The following SLA variants were observed in gnomAD, a reference collection of about 807,000 sequenced individuals.
SLA encodes the protein src-like-adapter.
In SLA, 16 loss-of-function variants were observed where a neutral mutation model predicts 30.3. The ratio of observed to expected loss-of-function variants is 0.53; its 90% confidence interval spans 0.36 to 0.80. The LOEUF (loss-of-function observed/expected upper bound fraction) is 0.80. Among genes scored for constraint, SLA ranks in the 30% least tolerant of loss-of-function variants. SLA has a pLI of 0.01. For synonymous variants in SLA, 143 were observed against 137.8 expected (o/e 1.04, Z -0.26); for missense variants, 310 against 345.2 (o/e 0.90, Z 0.81).
chr8:133,102,416 C>T, intron 1 of SLA, 137 bp downstream of exon 1: 3 of 713,520 alleles, frequency 4.2e-6, no homozygotes, highest in Non-Finnish European at 7.2e-6. Flanking sequence ...CAGAGACCCA[C>T]CCATTTTCTT....
intron 1 of SLA, among the ~76,000 whole-genome samples, chr8:133,093,139 C>CT (rs752795832): frequency 0.066 from 9,608 of 146,278 alleles, 1,074 homozygotes; most frequent in African/African-American, 0.23. Context: ...CTTTTCTTTT[C>CT]TTTTTTTTTT....
chr8:133,060,028 A>G, intron 3 of SLA, 72 bp downstream of exon 3: 1 of 1,466,508 alleles, frequency 6.8e-7, no homozygotes. Context: ...ACCGGCATCC[A>G]CCACCGCCCA....
chr8:133,088,020 C>T (rs870539), intron 1 of SLA, among the ~76,000 whole-genome samples: 37,790 of 152,146 alleles, frequency 0.25, 4,955 homozygotes, highest in African/African-American at 0.28. Flanking sequence ...AAGAAAGTAG[C>T]GGTTTCAATA....
At chr8:133,056,273 A>G (rs79948365) in intron 3 of SLA, among the ~76,000 whole-genome samples, 3,761 of 152,284 alleles carry the variant, frequency 0.025, 157 homozygotes, top group African/African-American at 0.082. Context: ...CAATTATGTA[A>G]AAGTTGAATG....
intron 1 of SLA, among the ~76,000 whole-genome samples, chr8:133,080,074 G>T (rs1056319847): frequency 1.3e-5 from 2 of 152,110 alleles, no homozygotes; most frequent in Admixed American, 6.5e-5. Context: ...GGAACTGAAG[G>T]CATGGGGACA....
rs900216616 is a variant in SLA at position 133,055,550 on chromosome 8, C to T, written c.61+4550G>A. On this transcript the variant is annotated intron_variant, in intron 3 of 8. Transcript: ENST00000338087. ...AAGGGCTGTGTTTGAGACCCGGTAG[C>T]CCACAAAGCTCTTTTCTGCCCAAGC... 2.6e-5 allele frequency among the ~76,000 whole-genome samples: 4 copies of T among 152,060 alleles called. No individual in the cohort carries two copies. In the South Asian group the frequency reaches 6.2e-4, roughly 24 times the overall value.
intron 2 of SLA, among the ~76,000 whole-genome samples, chr8:133,072,465 G>A (rs1472633871): frequency 6.6e-6 from 1 of 152,178 alleles, no homozygotes; most frequent in East Asian, 1.9e-4. Context: ...TAGATAGATG[G>A]ATAGATAGAT....
intron 1 of SLA, among the ~76,000 whole-genome samples, chr8:133,079,130 C>T (rs777552057): frequency 1.5e-4 from 23 of 152,154 alleles, no homozygotes; most frequent in Non-Finnish European, 2.5e-4. Flanking sequence ...GTGATGCCCC[C>T]ACCAAGGACG....
At chr8:133,049,877 G>C in intron 5 of SLA, 25 bp downstream of exon 5, 1 of 1,434,656 alleles carries the variant, frequency 7.0e-7, no homozygotes, top group Non-Finnish European at 9.8e-7. Context: ...ATGCTTAATT[G>C]CTGCCATTTG....
chr8:133,066,929 G>C (rs1564143834), intron 2 of SLA, among the ~76,000 whole-genome samples: 1 of 152,114 alleles, frequency 6.6e-6, no homozygotes, highest in Non-Finnish European at 1.5e-5. Flanking sequence ...CCTCTGTCTG[G>C]GCCAAAGAGT....
intron 2 of SLA, chr8:133,063,543 T>C (rs1179775752): frequency 6.6e-6 from 1 of 151,594 alleles, no homozygotes; most frequent in Non-Finnish European, 1.5e-5. Context: ...ATTGTTGAGA[T>C]TGGAGAAATG....
chr8:133,065,516 C>G (rs902905555), intron 2 of SLA, among the ~76,000 whole-genome samples: 3 of 152,180 alleles, frequency 2.0e-5, no homozygotes, highest in Non-Finnish European at 4.4e-5. Flanking sequence ...GATCCTAGCA[C>G]TTTGGGAAGC....
At chr8:133,087,244 T>C (rs11989874) in intron 1 of SLA, among the ~76,000 whole-genome samples, 5,518 of 152,294 alleles carry the variant, frequency 0.036, 339 homozygotes, top group African/African-American at 0.13. Context: ...GGACTGCTAT[T>C]TTTGCTTTAA....
intron 1 of SLA, among the ~76,000 whole-genome samples, chr8:133,098,024 C>T (rs1455107528): frequency 6.6e-6 from 1 of 152,114 alleles, no homozygotes; most frequent in East Asian, 1.9e-4. Flanking sequence ...AGCTAACTCA[C>T]AGCCAGGGCA....
chr8:133,040,106 A>G lies in SLA; in HGVS notation c.509T>C (p.Val170Ala), dbSNP rs1407337918. ...TTGTGTCAGGCAGGGCGTGGTGAGCACACAGCACAGGCCATCAGCCACCTC... is the reference window on the plus strand; with the variant it reads ...TTGTGTCAGGCAGGGCGTGGTGAGCGCACAGCACAGGCCATCAGCCACCTC... ...YSEVADGLCC[V>A]LTTPCLTQST... Residue 170 changes from valine to alanine, a missense_variant, in exon 8 of 9, where the codon GTG (valine) becomes GCG (alanine). Coordinates refer to ENST00000338087, the MANE Select transcript of SLA (RefSeq NM_001045556.3). 1 of 1,574,348 alleles carries G rather than the reference A, an allele frequency of 6.4e-7. No homozygotes were observed.
At chr8:133,084,308 A>C (rs1381749355) in intron 1 of SLA, among the ~76,000 whole-genome samples, 1 of 152,220 alleles carries the variant, frequency 6.6e-6, no homozygotes, top group African/African-American at 2.4e-5. Context: ...GAAAAAAATG[A>C]CTAGAAAGAA....
intron 1 of SLA, among the ~76,000 whole-genome samples, chr8:133,099,282 G>A (rs534814331): frequency 6.6e-6 from 1 of 152,344 alleles, no homozygotes; most frequent in Admixed American, 6.5e-5. Context: ...GTTCGTTTCT[G>A]GCTTCGCTTC....
intron 1 of SLA, chr8:133,095,112 G>C (rs776207162): frequency 6.2e-7 from 1 of 1,614,188 alleles, no homozygotes; most frequent in African/African-American, 1.3e-5. Context: ...CAATTGCTTT[G>C]GCAAAGGAGG....
intron 2 of SLA, among the ~76,000 whole-genome samples, chr8:133,064,530 AC>A (rs1842805811): frequency 6.6e-6 from 1 of 152,092 alleles, no homozygotes; most frequent in Non-Finnish European, 1.5e-5. Context: ...ACATCTCCGG[AC>A]TTCAGGACCT....
Sources: allele counts gnomAD v4.1 joint callset (sites outside exome capture counted in the v4.1 genomes callset), GRCh38; gene constraint gnomAD v4.1.1; transcripts MANE v1.5; gene names NCBI Gene and HGNC (gene_info 2026-07-23, HGNC 2026-07-21).